The following DISC1 variants were observed in gnomAD, a reference collection of about 807,000 sequenced individuals.
DISC1 encodes the protein disrupted in schizophrenia 1 protein.
In DISC1, 57 loss-of-function variants were observed where a neutral mutation model predicts 84.5. The ratio of observed to expected loss-of-function variants is 0.67; its 90% CI spans 0.55 to 0.84. DISC1 has a LOEUF of 0.84. DISC1 is among the 40% of genes least tolerant of loss of function. DISC1 has a pLI of 0.00. For missense variants in DISC1, 1,000 were observed against 1,057.8 expected (o/e 0.95, Z 0.76); for synonymous variants, 411 against 415.2 (o/e 0.99, Z 0.12).
chr1:231,859,506 C>T (rs779779797), intron 9 of DISC1, among the ~76,000 whole-genome samples: 29 of 152,254 alleles, frequency 1.9e-4, no homozygotes, highest in Non-Finnish European at 3.1e-4. Context: ...ATTCCATTCA[C>T]GGAGATTCTA....
In DISC1 at chr1:232,037,465, C is replaced by A. The variant is rs1267980015; in HGVS notation, c.*634C>A. ...CCACCTTTCAATTTTCCTTTTGTGG[C>A]AATGATTGCATCTGAAGAAAGGATC... On this transcript the variant is annotated 3_prime_UTR_variant, in exon 13 of 13. Transcript: ENST00000439617. 1 of 152,184 alleles carries A rather than the reference C, an allele frequency of 6.6e-6. No homozygotes were observed. Among genetic ancestry groups the A allele is most frequent in the Non-Finnish European group, 1.5e-5 (1 of 68,038 alleles). 9.4% of individuals were successfully genotyped at this position (152,184 alleles called of 1,614,324 possible). A position where few individuals can be genotyped will look rare whatever the true frequency, so the allele number is the denominator to read the frequency against.
intron 1 of DISC1, among the ~76,000 whole-genome samples, chr1:231,659,034 G>A (rs1020643436): frequency 6.6e-6 from 1 of 152,006 alleles, no homozygotes; most frequent in African/African-American, 2.4e-5. Context: ...TCAATTTTTT[G>A]GAATAATTTC....
chr1:231,639,652 C>T (rs2059473381), intron 1 of DISC1, among the ~76,000 whole-genome samples: 2 of 151,966 alleles, frequency 1.3e-5, no homozygotes, highest in Admixed American at 6.5e-5. Context: ...CCTCTAGTGT[C>T]TGTAGATCTC....
At chr1:231,642,364 G>A (rs951997036) in intron 1 of DISC1, among the ~76,000 whole-genome samples, 2 of 152,136 alleles carry the variant, frequency 1.3e-5, no homozygotes, top group African/African-American at 2.4e-5. Context: ...ACAGTGCAGC[G>A]GCGGGCGGAA....
chr1:231,692,227 T>C (rs2065126312), intron 1 of DISC1, among the ~76,000 whole-genome samples: 2 of 152,182 alleles, frequency 1.3e-5, no homozygotes, highest in African/African-American at 4.8e-5. Context: ...CCTTCCTTTC[T>C]TTACTCTGAC....
At chr1:231,865,448 C>T (rs2084983616) in intron 9 of DISC1, among the ~76,000 whole-genome samples, 1 of 152,162 alleles carries the variant, frequency 6.6e-6, no homozygotes, top group African/African-American at 2.4e-5. Context: ...GGATGGGAGG[C>T]TAAACCTTTG....
intron 9 of DISC1, among the ~76,000 whole-genome samples, chr1:231,866,040 A>G (rs1164469677): frequency 6.6e-6 from 1 of 152,166 alleles, no homozygotes; most frequent in Non-Finnish European, 1.5e-5. Flanking sequence ...GTCATGGCAA[A>G]AAAGGACAGG....
chr1:231,629,875 G>T (rs1342623861), intron 1 of DISC1, among the ~76,000 whole-genome samples: 1 of 152,104 alleles, frequency 6.6e-6, no homozygotes, highest in Non-Finnish European at 1.5e-5. Context: ...TTGTGGTTTT[G>T]GTTAAAGTTT....
At chr1:231,910,399 A>G (rs11122370) in intron 9 of DISC1, among the ~76,000 whole-genome samples, 102,439 of 152,002 alleles carry the variant, frequency 0.67, 35,339 homozygotes, top group East Asian at 0.91. Context: ...GGTTTCAAAG[A>G]ACATCTTTAT....
chr1:231,838,495 A>G (rs1558633863), intron 9 of DISC1, among the ~76,000 whole-genome samples: 2 of 152,226 alleles, frequency 1.3e-5, no homozygotes. Flanking sequence ...AACCCCCTCC[A>G]TGCTTATGTA....
At chr1:231,717,065 T>C (rs1019880377) in intron 3 of DISC1, among the ~76,000 whole-genome samples, 2 of 152,180 alleles carry the variant, frequency 1.3e-5, no homozygotes, top group African/African-American at 2.4e-5. Flanking sequence ...TGTGTTTGGC[T>C]GTTCTCTCAT....
At chr1:231,784,120 G>A (rs575517372) in intron 6 of DISC1, among the ~76,000 whole-genome samples, 7 of 152,088 alleles carry the variant, frequency 4.6e-5, no homozygotes, top group East Asian at 1.9e-4. Flanking sequence ...AAAATTATCC[G>A]GGCATGGTGG....
intron 9 of DISC1, among the ~76,000 whole-genome samples, chr1:231,849,186 T>C (rs1243562123): frequency 6.6e-6 from 1 of 151,372 alleles, no homozygotes; most frequent in Non-Finnish European, 1.5e-5. Flanking sequence ...AATGGCCTGA[T>C]CTCGGCTCAC....
At chr1:231,716,934 CA>C (rs1478546065) in intron 3 of DISC1, among the ~76,000 whole-genome samples, 1 of 152,134 alleles carries the variant, frequency 6.6e-6, no homozygotes, top group Non-Finnish European at 1.5e-5. Context: ...TTAAATCTTG[CA>C]TCCTGTCTAA....
rs887347731 is a variant in DISC1 at position 231,675,190 on chromosome 1, C to G, written c.68-18636C>G. ...GGCTTTATACAGATTCAGAGACATCCATGTGTGTCCTGCTTATTGGTCCTT... is the reference window on the plus strand; with the variant it reads ...GGCTTTATACAGATTCAGAGACATCGATGTGTGTCCTGCTTATTGGTCCTT... On this transcript the variant is annotated intron_variant, in intron 1 of 12. Transcript: ENST00000439617. The surrounding 1 kb of genome is among the most constrained non-coding windows in gnomAD (Gnocchi z 4.1). Among the ~76,000 whole-genome samples the G allele has an allele frequency of 5.1e-4, 78 of 152,006 alleles. No homozygotes were observed. The highest frequency in any genetic ancestry group is 1.9e-3 in the African/African-American group (77 of 41,368).
At chr1:231,871,530 A>G (rs1453393186) in intron 9 of DISC1, among the ~76,000 whole-genome samples, 1 of 152,216 alleles carries the variant, frequency 6.6e-6, no homozygotes, top group East Asian at 1.9e-4. Flanking sequence ...TTGAATTCAA[A>G]CGATCTGTAG....
chr1:231,832,654 A>G (rs1202203714), intron 9 of DISC1, among the ~76,000 whole-genome samples: 1 of 149,348 alleles, frequency 6.7e-6, no homozygotes, highest in Non-Finnish European at 1.5e-5. Flanking sequence ...AGAGGCTGGG[A>G]TGAAGGGTGC....
At chr1:232,002,098 T>A (rs1666758105) in intron 10 of DISC1, among the ~76,000 whole-genome samples, 1 of 152,040 alleles carries the variant, frequency 6.6e-6, no homozygotes, top group African/African-American at 2.4e-5. Context: ...AGAGGCTATA[T>A]GGATGGCAAA....
chr1:231,915,998 T>C (rs1028667516), intron 9 of DISC1, among the ~76,000 whole-genome samples: 4 of 152,168 alleles, frequency 2.6e-5, no homozygotes, highest in Non-Finnish European at 5.9e-5. Context: ...AGGGGGTGGA[T>C]TATACAGCTG....
Sources: allele counts gnomAD v4.1 joint callset (sites outside exome capture counted in the v4.1 genomes callset), GRCh38; gene constraint gnomAD v4.1.1; non-coding constraint Gnocchi (gnomAD v3.1); transcripts MANE v1.5; gene names NCBI Gene and HGNC (gene_info 2026-07-23, HGNC 2026-07-21).